The following TBL1XR1 variants were observed in gnomAD, a reference collection of about 807,000 sequenced individuals.
TBL1XR1 encodes the protein F-box-like/WD repeat-containing protein TBL1XR1.
TBL1XR1 carries 5 observed loss-of-function variants against 66.9 expected under a neutral mutation model. That is an observed-to-expected ratio of 0.07 (90% CI 0.04 to 0.16). The LOEUF (loss-of-function observed/expected upper bound fraction) is 0.16, where lower values mean the gene tolerates loss of function less well. Ranked by LOEUF, TBL1XR1 falls within the 10% of genes least tolerant of loss-of-function variation. The pLI is 1.00. For missense variants in TBL1XR1, 238 were observed against 623.2 expected, an observed-to-expected ratio of 0.38 and a Z score of 6.58; for synonymous variants, 210 against 206.0, an observed-to-expected ratio of 1.02 and a Z score of -0.17.
intron 2 of TBL1XR1, among the ~76,000 whole-genome samples, chr3:177,075,130 G>A (rs1455121317): frequency 1.3e-5 from 2 of 152,238 alleles, no homozygotes; most frequent in African/African-American, 2.4e-5. Flanking sequence ...GAAGTGAACT[G>A]TGTTGGCAGT....
intron 3 of TBL1XR1, among the ~76,000 whole-genome samples, chr3:177,059,409 T>G (rs1237611453): frequency 6.6e-6 from 1 of 152,226 alleles, no homozygotes; most frequent in Non-Finnish European, 1.5e-5. Flanking sequence ...GGTCAGAGCT[T>G]TAATGTTATA....
chr3:177,062,811 T>C (rs1213062620), intron 3 of TBL1XR1, among the ~76,000 whole-genome samples: 1 of 152,066 alleles, frequency 6.6e-6, no homozygotes, highest in Non-Finnish European at 1.5e-5. Context: ...ACATGGAATT[T>C]TGAAGGGTTT....
intron 2 of TBL1XR1, among the ~76,000 whole-genome samples, chr3:177,093,498 A>G (rs1389306205): frequency 6.6e-6 from 1 of 152,226 alleles, no homozygotes; most frequent in Non-Finnish European, 1.5e-5. Context: ...GTATCAAAGA[A>G]GAGCCCACAT....
intron 3 of TBL1XR1, among the ~76,000 whole-genome samples, chr3:177,058,697 T>C (rs1258931724): frequency 6.6e-6 from 1 of 152,232 alleles, no homozygotes; most frequent in Non-Finnish European, 1.5e-5. Context: ...ATTGCCAAAT[T>C]GCTTTCCAAA....
chr3:177,136,886 C>A (rs73881965), intron 1 of TBL1XR1, among the ~76,000 whole-genome samples: 2,850 of 152,222 alleles, frequency 0.019, 92 homozygotes, highest in African/African-American at 0.065. Context: ...TCACTAAAGA[C>A]AATTACTCAA....
chr3:177,123,855 T>C (rs1297481706), intron 1 of TBL1XR1, among the ~76,000 whole-genome samples: 2 of 152,066 alleles, frequency 1.3e-5, no homozygotes, highest in African/African-American at 2.4e-5. Flanking sequence ...AATCAGTAAA[T>C]TTTATTTTCA....
At chr3:177,197,746 G>T (rs936831343), upstream of TBL1XR1, among the ~76,000 whole-genome samples, 1 of 146,520 alleles carries the variant, frequency 6.8e-6, no homozygotes, top group Non-Finnish European at 1.5e-5. Flanking sequence ...TCTCCTTCCC[G>T]GCCCGCTCTG....
At chr3:177,078,272 A>C (rs1402512396) in intron 2 of TBL1XR1, among the ~76,000 whole-genome samples, 3 of 152,196 alleles carry the variant, frequency 2.0e-5, no homozygotes, top group Non-Finnish European at 4.4e-5. Context: ...ATAAATAATA[A>C]AACATAGCTC....
chr3:177,109,415 G>A (rs1450502413), intron 1 of TBL1XR1, among the ~76,000 whole-genome samples: 1 of 152,166 alleles, frequency 6.6e-6, no homozygotes, highest in Non-Finnish European at 1.5e-5. Context: ...AGACTAAACA[G>A]AAGGTTGTTT....
intron 2 of TBL1XR1, among the ~76,000 whole-genome samples, chr3:177,088,382 A>G (rs1055695575): frequency 6.6e-6 from 1 of 152,184 alleles, no homozygotes. Flanking sequence ...TATATATATA[A>G]GGAGTATATG....
intron 1 of TBL1XR1, among the ~76,000 whole-genome samples, chr3:177,135,189 A>T (rs1339972252): frequency 6.7e-6 from 1 of 149,228 alleles, no homozygotes; most frequent in Non-Finnish European, 1.5e-5. Flanking sequence ...TTTAGTAGAG[A>T]TGGGGTTTCG....
At chr3:177,186,871 A>G (rs1735476660) in intron 1 of TBL1XR1, among the ~76,000 whole-genome samples, 1 of 152,160 alleles carries the variant, frequency 6.6e-6, no homozygotes, top group African/African-American at 2.4e-5. Context: ...AGATCACTTA[A>G]AAGTCAGGAG....
chr3:177,032,794 T>C, intron 14 of TBL1XR1, 177 bp downstream of exon 14: 2 of 460,528 alleles, frequency 4.3e-6, no homozygotes, highest in Non-Finnish European at 7.3e-6. Flanking sequence ...CAAAATCCAT[T>C]TCAAAATTCC....
intron 10 of TBL1XR1, among the ~76,000 whole-genome samples, chr3:177,044,696 G>A (rs899649910): frequency 6.6e-6 from 1 of 152,056 alleles, no homozygotes; most frequent in African/African-American, 2.4e-5. Context: ...AAAAACAAAA[G>A]TATGGTAAGA....
intron 14 of TBL1XR1, among the ~76,000 whole-genome samples, chr3:177,032,058 C>T (rs1329579376): frequency 6.6e-6 from 1 of 151,996 alleles, no homozygotes; most frequent in Non-Finnish European, 1.5e-5. Flanking sequence ...GCTGAAATAC[C>T]ATTTATCACT....
At chr3:177,075,956 G>A (rs190603021) in intron 2 of TBL1XR1, among the ~76,000 whole-genome samples, 2 of 152,030 alleles carry the variant, frequency 1.3e-5, no homozygotes, top group Admixed American at 6.5e-5. Flanking sequence ...GTCCATTTGG[G>A]GCTACCGGAA....
chr3:177,134,865 C>T (rs191873700), intron 1 of TBL1XR1, among the ~76,000 whole-genome samples: 8 of 151,842 alleles, frequency 5.3e-5, no homozygotes, highest in Middle Eastern at 3.4e-3. Flanking sequence ...AATAAACTAA[C>T]GGGTATACAG....
rs751979734 is a variant in TBL1XR1, at chr3:177,050,617, C to T, written c.428-7G>A. The T allele has an allele frequency of 7.4e-6, 12 of 1,613,196 alleles. No homozygotes were observed. In the African/African-American group the frequency reaches 1.1e-4, roughly 14 times the overall value. ...ATCATATCAGTATGATTATCTGCAT[C>T]GTGAAACACAAGTAAGCATTTCCAG... On this transcript the variant is annotated splice_polypyrimidine_tract_variant and splice_region_variant and intron_variant, in intron 5 of 15. Transcript: ENST00000457928.
Position 177,022,537 on chromosome 3 carries a change from T to G in TBL1XR1, c.*2961A>C, listed in dbSNP as rs1712519233. 6.6e-6 allele frequency: 1 copy of G among 152,590 alleles called. No homozygotes were observed. Among genetic ancestry groups the G allele is most frequent in the South Asian group, 2.1e-4 (1 of 4,836 alleles). The allele number at this position is 152,590 out of a possible 1,614,324, so 9.5% of individuals were successfully genotyped here. A position where few individuals can be genotyped will look rare whatever the true frequency, so the allele number is the denominator to read the frequency against. ...TTTAAAAGTGGCAGCTGCTCTTTCT[T>G]TATTCCATTTTAATCAATGAGTATT... is the stretch of plus-strand genomic sequence containing the variant. On this transcript the variant is annotated 3_prime_UTR_variant, in exon 16 of 16. Coordinates refer to ENST00000457928, the MANE Select transcript of TBL1XR1 (RefSeq NM_024665.7).
Sources: gnomAD v4.1 joint callset for allele counts (sites outside exome capture counted in the v4.1 genomes callset) on GRCh38, gnomAD v4.1.1 for gene constraint, MANE v1.5 for transcripts, NCBI Gene and HGNC (gene_info 2026-07-23, HGNC 2026-07-21) for gene names.